IQCM: variants seen among roughly 807,000 people sequenced by gnomAD.
IQCM encodes the protein IQ motif containing M.
Under a neutral mutation model 57.6 loss-of-function variants are expected in IQCM, and 45 were observed. That is an observed-to-expected ratio of 0.78 (90% CI 0.62 to 1.00). IQCM has a LOEUF of 1.00. Ranked by LOEUF, IQCM falls within the 50% of genes least tolerant of loss-of-function variation. IQCM has a pLI of 0.00. For synonymous variants in IQCM, 148 were observed against 158.9 expected, an observed-to-expected ratio of 0.93 and a Z score of 0.51; for missense variants, 468 against 511.6, an observed-to-expected ratio of 0.91 and a Z score of 0.82.
At chr4:149,770,474 A>C (rs1236973504) in intron 2 of IQCM, among the ~76,000 whole-genome samples, 1 of 152,056 alleles carries the variant, frequency 6.6e-6, no homozygotes, top group Non-Finnish European at 1.5e-5. Flanking sequence ...CCAGAGATAC[A>C]TTACAAGAAA....
At chr4:149,390,802 C>T (rs979643821) in intron 13 of IQCM, among the ~76,000 whole-genome samples, 3 of 151,538 alleles carry the variant, frequency 2.0e-5, no homozygotes, top group African/African-American at 7.3e-5. Context: ...TACAAGCCAC[C>T]GGATTCAACT....
rs147168293 is a variant in IQCM at position 149,497,052 on chromosome 4, G to A, written c.1228+51403C>T. 6.6e-5 allele frequency among the ~76,000 whole-genome samples: 10 copies of A among 152,268 alleles called. No homozygotes were observed. In the East Asian group the frequency reaches 1.7e-3, roughly 27 times the overall value. ...AGTTCAGCTCTGCTGGAGGAAGAGA[G>A]AGAAGCATTCAGAAAGCCTTCATGG... is the stretch of plus-strand genomic sequence containing the variant. On this transcript the variant is annotated intron_variant, in intron 12 of 13. Transcript: ENST00000636793.
chr4:149,771,007 G>T (rs1210982081), intron 2 of IQCM, among the ~76,000 whole-genome samples: 2 of 151,956 alleles, frequency 1.3e-5, no homozygotes, highest in Non-Finnish European at 2.9e-5. Flanking sequence ...TATGTCCAGT[G>T]CTCATTCTAT....
At chr4:149,665,559 G>A (rs1270253768) in intron 7 of IQCM, among the ~76,000 whole-genome samples, 1 of 152,054 alleles carries the variant, frequency 6.6e-6, no homozygotes, top group East Asian at 1.9e-4. Context: ...AAATATACTT[G>A]TTTATTTGTT....
At chr4:149,358,847 T>TATATCATGATATACTCTCATGAGG (rs1729222977) in intron 13 of IQCM, among the ~76,000 whole-genome samples, 2 of 151,310 alleles carry the variant, frequency 1.3e-5, no homozygotes, top group African/African-American at 4.9e-5. Flanking sequence ...CAGTGGACAG[T>TATATCATGATATACTCTCATGAGG]ATATCATGAT....
chr4:149,576,260 G>A (rs1183882294), intron 9 of IQCM, among the ~76,000 whole-genome samples: 2 of 151,746 alleles, frequency 1.3e-5, no homozygotes, highest in Middle Eastern at 6.8e-3. Flanking sequence ...CAAGTAATAA[G>A]CACAGTACCC....
chr4:149,420,019 T>C (rs2111212591), intron 13 of IQCM, among the ~76,000 whole-genome samples: 1 of 152,170 alleles, frequency 6.6e-6, no homozygotes, highest in East Asian at 1.9e-4. Context: ...TGTAGAGAAA[T>C]AGGAATCTTT....
chr4:149,577,843 A>T (rs1751811133), intron 9 of IQCM, among the ~76,000 whole-genome samples: 1 of 151,802 alleles, frequency 6.6e-6, no homozygotes, highest in South Asian at 2.1e-4. Flanking sequence ...AACACTACTG[A>T]TTCTTCCTAT....
At chr4:149,427,778 A>T (rs565475465) in intron 13 of IQCM, among the ~76,000 whole-genome samples, 1 of 152,084 alleles carries the variant, frequency 6.6e-6, no homozygotes, top group Admixed American at 6.6e-5. Context: ...ACACATTCAC[A>T]TCCATTTGCA....
chr4:149,496,393 T>G (rs1418579973), intron 12 of IQCM, among the ~76,000 whole-genome samples: 1 of 152,078 alleles, frequency 6.6e-6, no homozygotes. Context: ...TGTAATGAAG[T>G]GAAGTATTTT....
At chr4:149,599,003 C>CAT (rs34124837) in intron 8 of IQCM, among the ~76,000 whole-genome samples, 1,565 of 151,340 alleles carry the variant, frequency 0.01, 30 homozygotes, top group African/African-American at 0.035. Flanking sequence ...GACTGGATGG[C>CAT]ATATATATAT....
intron 13 of IQCM, among the ~76,000 whole-genome samples, chr4:149,398,589 G>C (rs1732395706): frequency 6.6e-6 from 1 of 151,828 alleles, no homozygotes; most frequent in East Asian, 1.9e-4. Context: ...CCTTAACTAA[G>C]CTTTATTCTT....
At chr4:149,379,078 C>A (rs570893884) in intron 13 of IQCM, among the ~76,000 whole-genome samples, 3 of 152,290 alleles carry the variant, frequency 2.0e-5, no homozygotes, top group Admixed American at 2.0e-4. Context: ...CCTGTGGGTG[C>A]ACAAAAGTCA....
intron 9 of IQCM, among the ~76,000 whole-genome samples, chr4:149,576,082 G>A (rs1383029537): frequency 2.6e-5 from 4 of 151,744 alleles, no homozygotes; most frequent in East Asian, 1.9e-4. Context: ...ATCATTTCAC[G>A]TAATGGAAAA....
intron 5 of IQCM, among the ~76,000 whole-genome samples, chr4:149,716,115 C>T (rs1764971361): frequency 6.6e-6 from 1 of 152,208 alleles, no homozygotes; most frequent in Non-Finnish European, 1.5e-5. Flanking sequence ...AGGAGCCTGT[C>T]TGCCTCCTGC....
chr4:149,623,150 CTTAT>C (rs965664607), intron 7 of IQCM, among the ~76,000 whole-genome samples: 15 of 151,986 alleles, frequency 9.9e-5, no homozygotes, highest in African/African-American at 2.4e-4. Context: ...AATGTGTACA[CTTAT>C]TTGTTAATTT....
At chr4:149,768,178 C>T (rs1770234595) in intron 2 of IQCM, among the ~76,000 whole-genome samples, 1 of 152,090 alleles carries the variant, frequency 6.6e-6, no homozygotes, top group Non-Finnish European at 1.5e-5. Context: ...TTTATAAAAA[C>T]ATGAAGCGAT....
intron 12 of IQCM, among the ~76,000 whole-genome samples, chr4:149,487,165 G>T (rs988240950): frequency 6.6e-6 from 1 of 152,046 alleles, no homozygotes; most frequent in Admixed American, 6.6e-5. Flanking sequence ...GAAAAGACTG[G>T]ATCCTTCCCT....
intron 9 of IQCM, among the ~76,000 whole-genome samples, chr4:149,570,169 T>C (rs1380489343): frequency 2.6e-5 from 4 of 152,076 alleles, no homozygotes; most frequent in Non-Finnish European, 4.4e-5. Context: ...GTTAAATATA[T>C]ATAAAATGCC....
Sources: gnomAD v4.1 joint callset for allele counts (sites outside exome capture counted in the v4.1 genomes callset) on GRCh38, gnomAD v4.1.1 for gene constraint, MANE v1.5 for transcripts, NCBI Gene and HGNC (gene_info 2026-07-23, HGNC 2026-07-21) for gene names.